The following ELMO3 variants were observed in gnomAD, a reference collection of about 807,000 sequenced individuals.
ELMO3 encodes engulfment and cell motility protein 3.
ELMO3 carries 81 observed loss-of-function variants against 89.0 expected under a neutral mutation model. The ratio of observed to expected loss-of-function variants is 0.91; its 90% CI spans 0.76 to 1.09. The LOEUF is 1.09. Ranked by LOEUF, ELMO3 falls within the 50% of genes least tolerant of loss-of-function variation. ELMO3 has a pLI of 0.00. For synonymous variants in ELMO3, 406 were observed against 400.6 expected (o/e 1.01, Z -0.16); for missense variants, 959 against 972.8 (o/e 0.99, Z 0.19).
chr16:67,199,693 G>T lies in ELMO3; in HGVS notation c.129G>T (p.Leu43=). The change falls in exon 3 of 20, where the codon CTG becomes CTT. Residue 43 remains leucine, a synonymous_variant. Transcript: ENST00000393997. ...VLKEVCDAWS[L]THSERYALQF... is the part of the protein sequence containing the mutation. ...GCCTCGTGCCCCTCAGGTGGAGCCT[G>T]ACGCACTCTGAGCGTTACGCCCTGC... The T allele has an allele frequency of 6.2e-7, 1 of 1,610,656 alleles. No homozygotes were observed.
In ELMO3 at chr16:67,202,293, C is replaced by A; in HGVS notation, c.1261+9C>A. 6.2e-7 allele frequency: 1 copy of A among 1,611,878 alleles called. No individual in the cohort carries two copies. ...CCGTGTTGGGGAGCCCTGTGAGTGG[C>A]CTGGACTGGGCACAGCATGGCCAAG... On this transcript the variant is annotated intron_variant, in intron 13 of 19. Coordinates refer to ENST00000393997, the MANE Select transcript of ELMO3 (RefSeq NM_024712.5).
In ELMO3 at chr16:67,203,628, A is replaced by G; in HGVS notation, c.1951-37A>G. On this transcript the variant is annotated intron_variant, in intron 19 of 19. Transcript: ENST00000393997. The surrounding 1 kb of genome is among the most constrained non-coding windows in gnomAD (Gnocchi z 4.6). ...AGGTCGGCAGGTGGGCAGGGGAGGCAGATGGGCAGACCCTCACGGCTCTGT... is the reference window on the plus strand; with the variant it reads ...AGGTCGGCAGGTGGGCAGGGGAGGCGGATGGGCAGACCCTCACGGCTCTGT... 6.2e-7 allele frequency: 1 copy of G among 1,613,942 alleles called. No individual in the cohort carries two copies. Among genetic ancestry groups the G allele is most frequent in the Non-Finnish European group, 8.5e-7 (1 of 1,179,990 alleles).
At position 67,200,968 on chromosome 16, in the gene ELMO3, G is replaced by A. The variant is rs1358477557; in HGVS notation, c.744G>A (p.Lys248=). The change falls in exon 8 of 20, where the codon AAG becomes AAA. Residue 248 remains lysine, a splice_region_variant and synonymous_variant. Coordinates refer to ENST00000393997, the MANE Select transcript of ELMO3 (RefSeq NM_024712.5). ...AGGGGGCCAGCCCTGTGGAACGCAA[G>A]GTGAGTGTCGATCGGTGGCTAGATG... ...LLQGASPVER[K]HMLDYLWQRN... The A allele has an allele frequency of 1.4e-5, 22 of 1,598,376 alleles. No homozygotes were observed. The highest frequency in any genetic ancestry group is 1.8e-5 in the Admixed American group (1 of 54,266).
chr16:67,202,992 C>T lies in ELMO3; in HGVS notation c.1663C>T (p.Arg555Trp), dbSNP rs773257749. ...GACGCTCTTCCGCAAGATCAGCAGC[C>T]GGCGGCGCCAGGGTCTCTGAATGGG... ...EGTLFRKISS[R>W]RRQDKLWFCC... The change falls in exon 16 of 20, where the codon CGG becomes TGG. Residue 555 changes from arginine (R) to tryptophan (W), a missense_variant. Coordinates refer to ENST00000393997, the MANE Select transcript of ELMO3 (RefSeq NM_024712.5). 23 of 1,605,858 alleles carry T rather than the reference C, an allele frequency of 1.4e-5. No individual in the cohort carries two copies. The highest frequency in any genetic ancestry group is 2.2e-5 in the East Asian group (1 of 44,848).
rs772328266 is a variant in ELMO3, at chr16:67,203,358, A to G, written c.1812A>G (p.Thr604=). Residue 604 remains threonine (T), a synonymous_variant, in exon 18 of 20, where the codon ACA becomes ACG. Coordinates refer to ENST00000393997, the MANE Select transcript of ELMO3 (RefSeq NM_024712.5). The surrounding 1 kb of genome is among the most constrained non-coding windows in gnomAD (Gnocchi z 4.6). The stretch of plus-strand genomic sequence containing the variant: ...TGGCCGACATGAGGGCACTCCTGAC[A>G]GGCAAGGACTGCCCCCATGTCCGGG... ...LPVADMRALL[T]GKDCPHVREK... 1 of 1,607,136 alleles carries G rather than the reference A, an allele frequency of 6.2e-7. No individual in the cohort carries two copies. The highest frequency in any genetic ancestry group is 8.5e-7 in the Non-Finnish European group (1 of 1,177,980).
At chr16:67,199,469 C>T in intron 1 of ELMO3, 65 bp downstream of exon 1, 5 of 1,574,842 alleles carry the variant, frequency 3.2e-6, no homozygotes, top group Non-Finnish European at 4.3e-6. Flanking sequence ...CCCTGGCCCT[C>T]GGGGCAGCCC....
Position 67,203,596 on chromosome 16 carries a change from CA to C in ELMO3, c.1950+14del. 6.2e-7 allele frequency: 1 copy of C among 1,614,028 alleles called. No individual in the cohort carries two copies. Among genetic ancestry groups the C allele is most frequent in the Non-Finnish European group, 8.5e-7 (1 of 1,179,992 alleles). Reference sequence around the variant, plus strand: ...CTCCAAGCGGGAGGTGAGTGTCCGCCAGGCTGAGGTCGGCAGGTGGGCAGGG... The same window carrying C: ...CTCCAAGCGGGAGGTGAGTGTCCGCCGGCTGAGGTCGGCAGGTGGGCAGGG... On this transcript the variant is annotated intron_variant, in intron 19 of 19. Coordinates refer to ENST00000393997, the MANE Select transcript of ELMO3 (RefSeq NM_024712.5). The surrounding 1 kb of genome is among the most constrained non-coding windows in gnomAD (Gnocchi z 4.6).
rs776754432 is a variant in ELMO3, at chr16:67,199,236, T to TC, written c.-89dup. On this transcript the variant is annotated 5_prime_UTR_variant, in exon 1 of 20. Coordinates refer to ENST00000393997, the MANE Select transcript of ELMO3 (RefSeq NM_024712.5). ...GGTCAGGTCTCGGAAAGGGAGGACCTCCTCGTCCCCAGGGGCCCCAGGCCA... is the reference window on the plus strand; with the variant it reads ...GGTCAGGTCTCGGAAAGGGAGGACCTCCCTCGTCCCCAGGGGCCCCAGGCCA... 26 of 1,611,348 alleles carry TC rather than the reference T, an allele frequency of 1.6e-5. No homozygotes were observed. In the African/African-American group the frequency reaches 3.5e-4, roughly 21 times the overall value.
In ELMO3 at chr16:67,201,804, G is replaced by C. The variant is rs747875589; in HGVS notation, c.981G>C (p.Ser327=). 2 of 1,611,988 alleles carry C rather than the reference G, an allele frequency of 1.2e-6. No homozygotes were observed. Among genetic ancestry groups the C allele is most frequent in the Non-Finnish European group, 1.7e-6 (2 of 1,179,988 alleles). ...QAAFEVEGES[S]GAGLSADRRR... ...CCTTCGAGGTGGAGGGGGAGTCCTC[G>C]GGTGCCGGGCTAAGTGCTGACCGTC... The change falls in exon 11 of 20, where the codon TCG becomes TCC. Residue 327 remains serine, a synonymous_variant. Coordinates refer to ENST00000393997, the MANE Select transcript of ELMO3 (RefSeq NM_024712.5).
chr16:67,200,579 G>C (rs1263598686), intron 6 of ELMO3, 29 bp downstream of exon 6: 1 of 1,613,228 alleles, frequency 6.2e-7, no homozygotes. Flanking sequence ...GGCAGCGGGT[G>C]GGGGCAGTGG....
chr16:67,200,500 G>T lies in ELMO3; in HGVS notation c.463G>T (p.Glu155Ter). The change falls in exon 6 of 20, where the codon GAG (glutamate) becomes TAG (stop). Residue 155 changes from glutamate (E) to a stop codon, truncating the protein, a stop_gained. Transcript: ENST00000393997. LOFTEE classifies it high-confidence loss of function. ...CCTGAGGGCCTTCTCAGAGCTCATG[G>T]AGCACGGCGTGGTGTCCTGGGAGAC... ...LSLRAFSELM[E>*]HGVVSWETLS... 1 of 1,613,758 alleles carries T rather than the reference G, an allele frequency of 6.2e-7. No homozygotes were observed. The highest frequency in any genetic ancestry group is 8.5e-7 in the Non-Finnish European group (1 of 1,179,962).
chr16:67,199,269 C>T lies in ELMO3; in HGVS notation c.-58C>T. On this transcript the variant is annotated 5_prime_UTR_variant, in exon 1 of 20. Coordinates refer to ENST00000393997, the MANE Select transcript of ELMO3 (RefSeq NM_024712.5). The stretch of plus-strand genomic sequence containing the variant: ...CCCAGGGGCCCCAGGCCAGGTGCAC[C>T]CTTGGCCGCAGGTGCACGGTCTCCG... 1 of 1,612,126 alleles carries T rather than the reference C, an allele frequency of 6.2e-7. No homozygotes were observed. Among genetic ancestry groups the T allele is most frequent in the Non-Finnish European group, 8.5e-7 (1 of 1,179,718 alleles).
In ELMO3 at chr16:67,203,430, G is replaced by T. The variant is rs1046603489; in HGVS notation, c.1863+21G>T. ...ACAAGGTGAGTACAGCGGGCCAGGG[G>T]CTCCTTCCCACCCGCCCCCGCCTAC... On this transcript the variant is annotated intron_variant, in intron 18 of 19. Transcript: ENST00000393997. The surrounding 1 kb of genome is among the most constrained non-coding windows in gnomAD (Gnocchi z 4.6). The T allele has an allele frequency of 1.5e-5, 24 of 1,612,844 alleles. No individual in the cohort carries two copies. Among genetic ancestry groups the T allele is most frequent in the Non-Finnish European group, 1.9e-5 (23 of 1,179,672 alleles).
Position 67,202,096 on chromosome 16 carries a change from G to GT in ELMO3, c.1152+19dup, listed in dbSNP as rs1156722346. On this transcript the variant is annotated intron_variant, in intron 12 of 19. Transcript: ENST00000393997. ...ACAGCCGGGTCGGTGACAGGGTAGG[G>GT]TGGGGGGGTGGCAGCATCCCCCAGG... is the stretch of plus-strand genomic sequence containing the variant. The GT allele has an allele frequency of 6.2e-7, 1 of 1,610,410 alleles. No homozygotes were observed. Among genetic ancestry groups the GT allele is most frequent in the Non-Finnish European group, 8.5e-7 (1 of 1,177,998 alleles).
Position 67,201,734 on chromosome 16 carries a change from G to T in ELMO3, c.919-8G>T. The T allele has an allele frequency of 6.2e-7, 1 of 1,609,248 alleles. No homozygotes were observed. Among genetic ancestry groups the T allele is most frequent in the Non-Finnish European group, 8.5e-7 (1 of 1,180,000 alleles). Reference sequence around the variant, plus strand: ...ATCCCCTCCCCCGCCACCCAACACTGACCCCAGGAGCAGCGGGAGCAGCTG... The same window carrying T: ...ATCCCCTCCCCCGCCACCCAACACTTACCCCAGGAGCAGCGGGAGCAGCTG... On this transcript the variant is annotated splice_region_variant and splice_polypyrimidine_tract_variant and intron_variant, in intron 10 of 19. Transcript: ENST00000393997.
chr16:67,201,045 C>T, intron 8 of ELMO3, 77 bp downstream of exon 8: 2 of 1,426,724 alleles, frequency 1.4e-6, no homozygotes, highest in Admixed American at 2.7e-5. Flanking sequence ...TCCTCTAAGC[C>T]CCCCTTTTTT....
In ELMO3 at chr16:67,202,016, G is replaced by T. The variant is rs1319077122; in HGVS notation, c.1090G>T (p.Gly364Cys). Residue 364 changes from glycine (G) to cysteine (C), a missense_variant, in exon 12 of 20, where the codon GGT becomes TGT. Transcript: ENST00000393997. Reference protein sequence around the residue: ...PAQDLERVPPGLLALDNMLYF... With the variant: ...PAQDLERVPPCLLALDNMLYF... Reference sequence around the variant, plus strand: ...ACAGGACCTGGAGCGCGTGCCCCCCGGTCTGCTGGCCCTGGACAACATGTT... The same window carrying T: ...ACAGGACCTGGAGCGCGTGCCCCCCTGTCTGCTGGCCCTGGACAACATGTT... 1 of 1,613,214 alleles carries T rather than the reference G, an allele frequency of 6.2e-7. No homozygotes were observed. Among genetic ancestry groups the T allele is most frequent in the Non-Finnish European group, 8.5e-7 (1 of 1,180,028 alleles).
chr16:67,203,027 G>A lies in ELMO3; in HGVS notation c.1675+23G>A. The A allele has an allele frequency of 1.2e-6, 2 of 1,603,634 alleles. No homozygotes were observed. Among genetic ancestry groups the A allele is most frequent in the South Asian group, 1.1e-5 (1 of 90,822 alleles). Reference sequence around the variant, plus strand: ...AGGGTCTCTGAATGGGCATGGGCAGGGGGCAGAGGGCAGGCAGAGGGCAGG... The same window carrying A: ...AGGGTCTCTGAATGGGCATGGGCAGAGGGCAGAGGGCAGGCAGAGGGCAGG... On this transcript the variant is annotated intron_variant, in intron 16 of 19. Coordinates refer to ENST00000393997, the MANE Select transcript of ELMO3 (RefSeq NM_024712.5). The surrounding 1 kb of genome is among the most constrained non-coding windows in gnomAD (Gnocchi z 4.6).
rs1265026433 is a variant in ELMO3 at position 67,202,025 on chromosome 16, G to A, written c.1099G>A (p.Ala367Thr). The A allele has an allele frequency of 1.2e-6, 2 of 1,611,364 alleles. No individual in the cohort carries two copies. Among genetic ancestry groups the A allele is most frequent in the Admixed American group, 1.7e-5 (1 of 59,982 alleles). ...GGAGCGCGTGCCCCCCGGTCTGCTG[G>A]CCCTGGACAACATGTTGTACTTCTC... ...DLERVPPGLL[A>T]LDNMLYFSRN... The change falls in exon 12 of 20, where the codon GCC becomes ACC. Residue 367 changes from alanine (A) to threonine (T), a missense_variant. Transcript: ENST00000393997.
Sources: allele counts gnomAD v4.1 joint callset, GRCh38; gene constraint gnomAD v4.1.1; non-coding constraint Gnocchi (gnomAD v3.1); transcripts MANE v1.5; gene names NCBI Gene and HGNC (gene_info 2026-07-23, HGNC 2026-07-21).